RHBDD1: variants seen among roughly 807,000 people sequenced by gnomAD.
RHBDD1 encodes the protein rhomboid domain containing 1.
RHBDD1 carries 38 observed loss-of-function variants against 36.3 expected under a neutral mutation model. The ratio of observed to expected loss-of-function variants is 1.05; its 90% CI spans 0.81 to 1.37. RHBDD1 has a LOEUF of 1.37. Ranked by LOEUF, RHBDD1 falls within the 40% of genes most tolerant of loss-of-function variation. RHBDD1 has a pLI of 0.00. For synonymous variants in RHBDD1, 151 were observed against 136.5 expected, an observed-to-expected ratio of 1.11 and a Z score of -0.74; for missense variants, 393 against 377.6, an observed-to-expected ratio of 1.04 and a Z score of -0.34.
At chr2:226,884,424 A>G (rs1020333930) in intron 5 of RHBDD1, among the ~76,000 whole-genome samples, 6 of 152,126 alleles carry the variant, frequency 3.9e-5, no homozygotes, top group Admixed American at 1.3e-4. Flanking sequence ...TTGGCTTCTC[A>G]TTAGCTTATA....
intron 5 of RHBDD1, among the ~76,000 whole-genome samples, chr2:226,881,849 C>T (rs1945767427): frequency 6.6e-6 from 1 of 152,102 alleles, no homozygotes; most frequent in Non-Finnish European, 1.5e-5. Context: ...CTAACATTTC[C>T]TTTTTAGCCA....
chr2:226,856,534 A>G (rs182925764), intron 3 of RHBDD1, among the ~76,000 whole-genome samples: 9 of 152,344 alleles, frequency 5.9e-5, no homozygotes. Context: ...CTATAGTAAC[A>G]GTAACAAGTG....
At chr2:226,855,564 A>G (rs191092067) in intron 3 of RHBDD1, among the ~76,000 whole-genome samples, 46 of 152,362 alleles carry the variant, frequency 3.0e-4, no homozygotes, top group Non-Finnish European at 5.4e-4. Flanking sequence ...GCCAGTTGTC[A>G]TTAGAGAGAT....
upstream of RHBDD1, among the ~76,000 whole-genome samples, chr2:226,834,943 T>C (rs1318583462): frequency 6.6e-6 from 1 of 152,096 alleles, no homozygotes; most frequent in Non-Finnish European, 1.5e-5. Context: ...GCCTGGCTAA[T>C]TTTTGTATTT....
rs1051679368 is a variant in RHBDD1, at chr2:226,997,611, A to G, written c.*2089A>G. The G allele has an allele frequency of 6.6e-6, 1 of 152,194 alleles. No individual in the cohort carries two copies. The highest frequency in any genetic ancestry group is 2.4e-5 in the African/African-American group (1 of 41,444). The allele number at this position is 152,194 out of a possible 1,614,324, so 9.4% of individuals were successfully genotyped here. On this transcript the variant is annotated 3_prime_UTR_variant, in exon 9 of 9. Coordinates refer to ENST00000392062, the MANE Select transcript of RHBDD1 (RefSeq NM_001167608.3). ...TGTATTAAGAGTCCAGTCACTGTAT[A>G]TGGAAGTATTTTATTTTTTATTTTT...
chr2:226,894,686 T>A (rs995078391), intron 5 of RHBDD1, among the ~76,000 whole-genome samples: 1 of 152,254 alleles, frequency 6.6e-6, no homozygotes, highest in Non-Finnish European at 1.5e-5. Flanking sequence ...GTGTACAAGA[T>A]GTGTTATTCA....
intron 8 of RHBDD1, among the ~76,000 whole-genome samples, chr2:226,992,376 C>G (rs1575578684): frequency 6.6e-6 from 1 of 152,202 alleles, no homozygotes; most frequent in East Asian, 1.9e-4. Context: ...GTGTAGTTTT[C>G]AGAGTTGGAA....
At chr2:226,889,710 C>T (rs1442039282) in intron 5 of RHBDD1, among the ~76,000 whole-genome samples, 1 of 152,100 alleles carries the variant, frequency 6.6e-6, no homozygotes, top group Non-Finnish European at 1.5e-5. Flanking sequence ...AGATTATAAA[C>T]CCTAATTATA....
At chr2:226,916,218 C>G (rs1364473114) in intron 8 of RHBDD1, among the ~76,000 whole-genome samples, 1 of 152,178 alleles carries the variant, frequency 6.6e-6, no homozygotes, top group Non-Finnish European at 1.5e-5. Flanking sequence ...GTCTCCACCT[C>G]TTGGAGGAAC....
intron 8 of RHBDD1, among the ~76,000 whole-genome samples, chr2:226,944,164 G>A (rs1271160157): frequency 6.6e-6 from 1 of 152,210 alleles, no homozygotes; most frequent in Non-Finnish European, 1.5e-5. Flanking sequence ...ATATGCAATG[G>A]CTGTGCAGGA....
intron 3 of RHBDD1, among the ~76,000 whole-genome samples, chr2:226,852,458 G>A (rs777820668): frequency 2.0e-5 from 3 of 152,018 alleles, no homozygotes; most frequent in Non-Finnish European, 2.9e-5. Flanking sequence ...CTCATGAATT[G>A]GATTAGTGTC....
At chr2:226,841,277 C>T (rs373447655) in intron 3 of RHBDD1, among the ~76,000 whole-genome samples, 1 of 152,084 alleles carries the variant, frequency 6.6e-6, no homozygotes, top group Non-Finnish European at 1.5e-5. Context: ...GGACTACAGA[C>T]ATGTGCCACC....
At chr2:226,867,800 C>A in intron 5 of RHBDD1, 1 of 327,720 alleles carries the variant, frequency 3.1e-6, no homozygotes, top group Non-Finnish European at 4.4e-6. Context: ...CTCACTGCAA[C>A]CTCCACCCCC....
intron 8 of RHBDD1, among the ~76,000 whole-genome samples, chr2:226,976,016 A>G (rs1038180366): frequency 1.3e-5 from 2 of 151,872 alleles, no homozygotes; most frequent in Admixed American, 6.6e-5. Context: ...CCCCATTAGC[A>G]TAGCAGGGCC....
At chr2:226,933,856 ACTAT>A (rs1950180258) in intron 8 of RHBDD1, among the ~76,000 whole-genome samples, 1 of 152,128 alleles carries the variant, frequency 6.6e-6, no homozygotes, top group Non-Finnish European at 1.5e-5. Flanking sequence ...TTTCTTGCAT[ACTAT>A]TTATCAATTT....
rs901430191 is a variant in RHBDD1 at position 226,997,979 on chromosome 2, A to T, written c.*2457A>T. 4.6e-5 allele frequency: 7 copies of T among 152,264 alleles called. No homozygotes were observed. The highest frequency in any genetic ancestry group is 4.6e-4 in the Admixed American group (7 of 15,284). 9.4% of individuals were successfully genotyped at this position (152,264 alleles called of 1,614,324 possible). On this transcript the variant is annotated 3_prime_UTR_variant, in exon 9 of 9. Transcript: ENST00000392062. ...CTGGAATTGGATTGAGAAAGACAAAAGCAAGTGAGCAAGTGTATTAGACTA... is the reference window on the plus strand; with the variant it reads ...CTGGAATTGGATTGAGAAAGACAAATGCAAGTGAGCAAGTGTATTAGACTA...
At position 226,995,683 on chromosome 2, in the gene RHBDD1, G is replaced by T. The variant is rs1412273963; in HGVS notation, c.*161G>T. On this transcript the variant is annotated 3_prime_UTR_variant, in exon 9 of 9. Transcript: ENST00000392062. Reference sequence around the variant, plus strand: ...CCTGGGACAGTCCCATGGCCCCTATGAGTCAACTCACAGCTTGCGGGGAGT... The same window carrying T: ...CCTGGGACAGTCCCATGGCCCCTATTAGTCAACTCACAGCTTGCGGGGAGT... The T allele has an allele frequency of 1.6e-6, 1 of 619,120 alleles. No homozygotes were observed. The highest frequency in any genetic ancestry group is 2.8e-5 in the East Asian group (1 of 35,990). The allele number at this position is 619,120 out of a possible 1,614,324, so 38.4% of individuals were successfully genotyped here.
chr2:226,908,041 T>C (rs1199255111), intron 6 of RHBDD1, among the ~76,000 whole-genome samples: 1 of 152,166 alleles, frequency 6.6e-6, no homozygotes, highest in East Asian at 1.9e-4. Flanking sequence ...AAGAGGATTT[T>C]CCCCTAATTA....
intron 8 of RHBDD1, among the ~76,000 whole-genome samples, chr2:226,928,258 G>A (rs1949794821): frequency 6.6e-6 from 1 of 151,948 alleles, no homozygotes; most frequent in Admixed American, 6.6e-5. Context: ...GTTTACATCA[G>A]TCTATTTCTG....
Sources: allele counts gnomAD v4.1 joint callset (sites outside exome capture counted in the v4.1 genomes callset), GRCh38; gene constraint gnomAD v4.1.1; transcripts MANE v1.5; gene names NCBI Gene and HGNC (gene_info 2026-07-23, HGNC 2026-07-21).